The following NHS variants were observed in gnomAD, a reference collection of about 807,000 sequenced individuals.
NHS encodes the protein NHS actin remodeling regulator.
Under a neutral mutation model 72.5 loss-of-function variants are expected in NHS, and 5 were observed. That is an observed-to-expected ratio of 0.07 (90% CI 0.04 to 0.14). NHS has a LOEUF of 0.14. Among genes scored for constraint, NHS ranks in the 10% least tolerant of loss-of-function variants. NHS has a pLI of 1.00. For missense variants in NHS, 1,072 were observed against 1,355.7 expected, an observed-to-expected ratio of 0.79 and a Z score of 3.29; for synonymous variants, 464 against 547.7, an observed-to-expected ratio of 0.85 and a Z score of 2.13.
At chrX:17,392,201 G>T (rs1295575006) in intron 1 of NHS, among the ~76,000 whole-genome samples, 1 of 112,026 alleles carries the variant, frequency 8.9e-6, no homozygotes, top group Non-Finnish European at 1.9e-5. Flanking sequence ...GCATGCAGAG[G>T]GTTCAACAGA....
intron 1 of NHS, among the ~76,000 whole-genome samples, chrX:17,387,850 C>T (rs2064418420): frequency 8.8e-6 from 1 of 113,108 alleles, no homozygotes; most frequent in Non-Finnish European, 1.9e-5. Context: ...TCAAGGTGTG[C>T]AGGCACTGAG....
intron 1 of NHS, among the ~76,000 whole-genome samples, chrX:17,409,676 G>T (rs2064547857): frequency 8.9e-6 from 1 of 111,786 alleles, no homozygotes; most frequent in Admixed American, 9.5e-5. Context: ...TCACAAAGGA[G>T]AATATAGTAA....
At chrX:17,551,908 G>A (rs1742040629) in intron 1 of NHS, among the ~76,000 whole-genome samples, 3 of 111,821 alleles carry the variant, frequency 2.7e-5, no homozygotes, top group African/African-American at 9.7e-5. Context: ...AGATCATATG[G>A]GTTTTCTGTT....
intron 1 of NHS, among the ~76,000 whole-genome samples, chrX:17,515,430 A>T (rs2146933105): frequency 8.9e-6 from 1 of 112,320 alleles, no homozygotes; most frequent in East Asian, 2.8e-4. Context: ...TATACCAAGG[A>T]ATATTTATCT....
chrX:17,404,156 C>T (rs369877380), intron 1 of NHS, among the ~76,000 whole-genome samples: 7 of 111,797 alleles, frequency 6.3e-5, no homozygotes, highest in South Asian at 7.6e-4. Flanking sequence ...GAGTATAAGA[C>T]GGAATAGTAT....
intron 1 of NHS, among the ~76,000 whole-genome samples, chrX:17,462,548 G>A (rs945122469): frequency 4.5e-5 from 5 of 111,853 alleles, no homozygotes; most frequent in African/African-American, 1.6e-4. Context: ...ACTGTTCCAA[G>A]TACTTTACAT....
intron 3 of NHS, among the ~76,000 whole-genome samples, chrX:17,693,789 A>C (rs2066211476): frequency 8.8e-6 from 1 of 112,997 alleles, no homozygotes; most frequent in Non-Finnish European, 1.9e-5. Flanking sequence ...AAAAGGAGAC[A>C]AGGGCCTCTT....
chrX:17,552,988 G>A (rs2065344265), intron 1 of NHS, among the ~76,000 whole-genome samples: 1 of 112,647 alleles, frequency 8.9e-6, no homozygotes, highest in Admixed American at 9.3e-5. Context: ...TCAGCTCTTG[G>A]GCGACCAACT....
At chrX:17,393,958 G>A (rs1292557454) in intron 1 of NHS, among the ~76,000 whole-genome samples, 2 of 111,342 alleles carry the variant, frequency 1.8e-5, no homozygotes, top group East Asian at 2.8e-4. Flanking sequence ...CCCTGACTCC[G>A]TTGCTGAGTT....
chrX:17,411,699 G>A (rs2064559761), intron 1 of NHS, among the ~76,000 whole-genome samples: 1 of 111,356 alleles, frequency 9.0e-6, no homozygotes, highest in South Asian at 3.8e-4. Flanking sequence ...TAGAAATAGA[G>A]GAAAAAATGA....
intron 1 of NHS, among the ~76,000 whole-genome samples, chrX:17,610,543 C>T (rs953981298): frequency 1.8e-5 from 2 of 111,835 alleles, no homozygotes; most frequent in Non-Finnish European, 3.8e-5. Context: ...GGGCTAATAG[C>T]CCTCCAGGTC....
chrX:17,645,815 A>G (rs1442904365), intron 1 of NHS, among the ~76,000 whole-genome samples: 1 of 112,447 alleles, frequency 8.9e-6, no homozygotes, highest in Non-Finnish European at 1.9e-5. Flanking sequence ...TTTGTTAAGA[A>G]ATATTTATGA....
At chrX:17,585,738 GTAA>G (rs548692975) in intron 1 of NHS, among the ~76,000 whole-genome samples, 3,379 of 101,195 alleles carry the variant, frequency 0.033, 133 homozygotes, top group African/African-American at 0.11. Flanking sequence ...AAAAATAATA[GTAA>G]TAATAATAAT....
intron 1 of NHS, among the ~76,000 whole-genome samples, chrX:17,537,442 A>G (rs886267550): frequency 8.9e-6 from 1 of 112,791 alleles, no homozygotes; most frequent in Non-Finnish European, 1.9e-5. Flanking sequence ...ACTTCCAGTA[A>G]TATGCTTCCT....
At chrX:17,445,837 T>TAA (rs775287353) in intron 1 of NHS, among the ~76,000 whole-genome samples, 3 of 86,706 alleles carry the variant, frequency 3.5e-5, no homozygotes, top group Admixed American at 1.3e-4. Context: ...TGACAACATT[T>TAA]AAAAAAAAAA....
chrX:17,473,483 C>T (rs192154562), intron 1 of NHS, among the ~76,000 whole-genome samples: 1,193 of 112,578 alleles, frequency 0.011, 16 homozygotes, highest in African/African-American at 0.036. Flanking sequence ...GGAGCTGAAT[C>T]TTGAATTTCA....
intron 1 of NHS, among the ~76,000 whole-genome samples, chrX:17,438,204 A>G (rs1430406470): frequency 9.0e-6 from 1 of 111,499 alleles, no homozygotes; most frequent in Non-Finnish European, 1.9e-5. Context: ...ATTTCTCACA[A>G]GCTCCCAGGG....
chrX:17,459,419 C>T (rs944022918), intron 1 of NHS, among the ~76,000 whole-genome samples: 1 of 111,751 alleles, frequency 8.9e-6, no homozygotes, highest in East Asian at 2.8e-4. Context: ...GTGATGATTT[C>T]ACAGAAGGGC....
chrX:17,718,548 GAAGGAAGA>G (rs1205157362), intron 3 of NHS, among the ~76,000 whole-genome samples: 1 of 98,568 alleles, frequency 1.0e-5, no homozygotes, highest in Non-Finnish European at 2.1e-5. Flanking sequence ...AGGAAGGAGG[GAAGGAAGA>G]AAGGAAGGAA....
Sources: allele counts gnomAD v4.1 joint callset (sites outside exome capture counted in the v4.1 genomes callset), GRCh38; gene constraint gnomAD v4.1.1; transcripts MANE v1.5; gene names NCBI Gene and HGNC (gene_info 2026-07-23, HGNC 2026-07-21).